CYTH3: variants seen among roughly 807,000 people sequenced by gnomAD.
The protein encoded by CYTH3 is cytohesin-3.
A neutral mutation model predicts 55.1 loss-of-function variants in CYTH3; 23 were observed. The observed-to-expected ratio is 0.42, with a 90% CI of 0.30 to 0.59. The LOEUF (loss-of-function observed/expected upper bound fraction) is 0.59. CYTH3 is among the 20% of genes least tolerant of loss of function. The probability of loss-of-function intolerance (pLI) is 0.20; values close to 1 mark genes in which losing one functional copy is unlikely to be tolerated. For synonymous variants in CYTH3, 249 were observed against 194.9 expected, an observed-to-expected ratio of 1.28 and a Z score of -2.31; for missense variants, 413 against 524.8, an observed-to-expected ratio of 0.79 and a Z score of 2.08.
At chr7:6,173,541 G>T (rs1783256219) in intron 6 of CYTH3, 112 bp downstream of exon 6, 2 of 738,388 alleles carry the variant, frequency 2.7e-6, no homozygotes, top group Non-Finnish European at 5.0e-6. Flanking sequence ...CAGCATCTGT[G>T]AGACTCGTGT....
At chr7:6,261,774 G>T (rs1310316025) in intron 1 of CYTH3, among the ~76,000 whole-genome samples, 1 of 150,250 alleles carries the variant, frequency 6.7e-6, no homozygotes, top group Non-Finnish European at 1.5e-5. Flanking sequence ...GAAGCCAACA[G>T]GCAGGGTCTT....
chr7:6,171,455 G>C lies in CYTH3; in HGVS notation c.450-141C>G. On this transcript the variant is annotated intron_variant, in intron 6 of 12. Coordinates refer to ENST00000350796, the MANE Select transcript of CYTH3 (RefSeq NM_004227.4). The surrounding 1 kb of genome is among the most constrained non-coding windows in gnomAD (Gnocchi z 6.7). The stretch of plus-strand genomic sequence containing the variant: ...TCTGGCAGGGGCTTGGGGGCGCAGA[G>C]ACAGAAAGGAGAAGACCCAGGACAG... 2 of 665,752 alleles carry C rather than the reference G, an allele frequency of 3.0e-6. No homozygotes were observed. The highest frequency in any genetic ancestry group is 5.2e-6 in the Non-Finnish European group (2 of 384,502). 41.2% of individuals were successfully genotyped at this position (665,752 alleles called of 1,614,324 possible).
intron 1 of CYTH3, among the ~76,000 whole-genome samples, chr7:6,261,811 C>T (rs1780361242): frequency 6.7e-6 from 1 of 148,792 alleles, no homozygotes; most frequent in Admixed American, 6.7e-5. Flanking sequence ...TTTTCACATA[C>T]ATTGTCCAGA....
At chr7:6,254,532 T>C (rs1030686743) in intron 1 of CYTH3, among the ~76,000 whole-genome samples, 11 of 152,240 alleles carry the variant, frequency 7.2e-5, no homozygotes, top group African/African-American at 2.4e-4. Flanking sequence ...CACTGCAACC[T>C]CCGCCTCCCA....
chr7:6,187,806 A>G, intron 2 of CYTH3, 85 bp from the exon 3 acceptor site: 1 of 1,107,856 alleles, frequency 9.0e-7, no homozygotes, highest in Non-Finnish European at 1.4e-6. Context: ...CTCTTGTGAC[A>G]AGCTTCCCTG....
At chr7:6,213,951 T>TA (rs1018904008) in intron 1 of CYTH3, among the ~76,000 whole-genome samples, 10 of 152,142 alleles carry the variant, frequency 6.6e-5, no homozygotes, top group Admixed American at 2.0e-4. Context: ...AGCATCCTTT[T>TA]AGGAAGGCTC....
At chr7:6,253,328 G>A (rs1045357210) in intron 1 of CYTH3, among the ~76,000 whole-genome samples, 7 of 150,630 alleles carry the variant, frequency 4.6e-5, no homozygotes, top group East Asian at 4.0e-4. Flanking sequence ...AGCAATTCTC[G>A]TGCCTCAGCT....
rs867914258 is a variant in CYTH3, at chr7:6,227,077, C to T, written c.35-36546G>A. The stretch of plus-strand genomic sequence containing the variant: ...CCTGGGCAACAGAGCAAGACTCTGT[C>T]TAAAAAAAAAAAAAAAAAAGTGGAA... On this transcript the variant is annotated intron_variant, in intron 1 of 12. Coordinates refer to ENST00000350796, the MANE Select transcript of CYTH3 (RefSeq NM_004227.4). Among the ~76,000 whole-genome samples, 80 of 120,756 alleles carry T rather than the reference C, an allele frequency of 6.6e-4. 1 individual carries two copies. In the South Asian group the frequency reaches 0.019, roughly 28 times the overall value. 79.2% of individuals were successfully genotyped at this position (120,756 alleles called of 152,430 possible).
chr7:6,258,638 G>C (rs1248800928), intron 1 of CYTH3, among the ~76,000 whole-genome samples: 2 of 152,176 alleles, frequency 1.3e-5, no homozygotes, highest in Non-Finnish European at 1.5e-5. Flanking sequence ...GTCAAATATG[G>C]CTGTAACAAT....
At chr7:6,186,689 C>T (rs549450463) in intron 4 of CYTH3, among the ~76,000 whole-genome samples, 7 of 152,192 alleles carry the variant, frequency 4.6e-5, no homozygotes, top group African/African-American at 9.6e-5. Flanking sequence ...TTCCTAGTCA[C>T]GTGATTCCCT....
chr7:6,221,830 T>C (rs1784560512), intron 1 of CYTH3, among the ~76,000 whole-genome samples: 1 of 152,116 alleles, frequency 6.6e-6, no homozygotes, highest in Non-Finnish European at 1.5e-5. Context: ...GGCGTGTCTG[T>C]GGTCCCAGCT....
chr7:6,256,935 AAAG>A (rs1308364868), intron 1 of CYTH3, among the ~76,000 whole-genome samples: 1 of 152,220 alleles, frequency 6.6e-6, no homozygotes, highest in Non-Finnish European at 1.5e-5. Context: ...AAAAGGAAGG[AAAG>A]AAGGCATTTG....
At chr7:6,245,201 T>G (rs560066969) in intron 1 of CYTH3, among the ~76,000 whole-genome samples, 17 of 151,960 alleles carry the variant, frequency 1.1e-4, no homozygotes, top group African/African-American at 4.1e-4. Context: ...GGGGAAAGTG[T>G]AAGGTTGTGT....
intron 1 of CYTH3, among the ~76,000 whole-genome samples, chr7:6,204,443 C>T (rs1784139002): frequency 6.6e-6 from 1 of 152,142 alleles, no homozygotes; most frequent in Admixed American, 6.5e-5. Flanking sequence ...AAGCAGAAGT[C>T]CTCGTCCTGC....
chr7:6,248,209 T>G (rs17136102), intron 1 of CYTH3, among the ~76,000 whole-genome samples: 4,428 of 145,040 alleles, frequency 0.031, 93 homozygotes, highest in Non-Finnish European at 0.046. Context: ...TTCTGAACAA[T>G]AGTATTTAGA....
In CYTH3 at chr7:6,164,540, A is replaced by G; in HGVS notation, c.*404T>C. The G allele has an allele frequency of 4.6e-6, 1 of 218,098 alleles. No individual in the cohort carries two copies. Among genetic ancestry groups the G allele is most frequent in the Non-Finnish European group, 9.1e-6 (1 of 110,182 alleles). The allele number at this position is 218,098 out of a possible 1,614,324, so 13.5% of individuals were successfully genotyped here. A position where few individuals can be genotyped will look rare whatever the true frequency, so the allele number is the denominator to read the frequency against. On this transcript the variant is annotated 3_prime_UTR_variant, in exon 13 of 13. Transcript: ENST00000350796. ...CCCGAGTGAATGCGTTTGGCATGGT[A>G]CGAATGAGGCTCCCGTCTGTGGAAT...
chr7:6,192,864 C>T (rs1387318101), intron 1 of CYTH3, among the ~76,000 whole-genome samples: 1 of 151,870 alleles, frequency 6.6e-6, no homozygotes. Flanking sequence ...CATAACAACT[C>T]CGTGCTTAGA....
chr7:6,174,654 A>T (rs1454545888), intron 5 of CYTH3, among the ~76,000 whole-genome samples: 1 of 144,454 alleles, frequency 6.9e-6, no homozygotes, highest in Non-Finnish European at 1.5e-5. Flanking sequence ...TTCAAGCGAT[A>T]CTCCTGTCTC....
chr7:6,218,545 C>G (rs1362070511), intron 1 of CYTH3, among the ~76,000 whole-genome samples: 4 of 152,298 alleles, frequency 2.6e-5, no homozygotes, highest in Admixed American at 2.6e-4. Context: ...TAACTTATTA[C>G]AACAGCCTCG....
Sources: gnomAD v4.1 joint callset for allele counts (sites outside exome capture counted in the v4.1 genomes callset) on GRCh38, gnomAD v4.1.1 for gene constraint, Gnocchi (gnomAD v3.1) non-coding constraint, MANE v1.5 for transcripts, NCBI Gene and HGNC (gene_info 2026-07-23, HGNC 2026-07-21) for gene names.